Variants in ING5 observed in about 807,000 individuals in gnomAD.
ING5 encodes inhibitor of growth family member 5.
A neutral mutation model predicts 37.4 loss-of-function variants in ING5; 17 were observed. The ratio of observed to expected loss-of-function variants is 0.45; its 90% CI spans 0.31 to 0.68. The LOEUF (loss-of-function observed/expected upper bound fraction) is 0.68. ING5 is among the 30% of genes least tolerant of loss of function. The pLI, the probability that ING5 is intolerant of heterozygous loss-of-function variation, is 0.05. For synonymous variants in ING5, 123 were observed against 116.6 expected (o/e 1.06, Z -0.36); for missense variants, 233 against 311.9 (o/e 0.75, Z 1.91).
Position 241,728,667 on chromosome 2 carries a change from G to T in ING5, c.*3636G>T, listed in dbSNP as rs1305557768. 6.6e-6 allele frequency: 1 copy of T among 152,340 alleles called. No homozygotes were observed. Among genetic ancestry groups the T allele is most frequent in the African/African-American group, 2.4e-5 (1 of 41,444 alleles). 9.4% of individuals were successfully genotyped at this position (152,340 alleles called of 1,614,324 possible). A position where few individuals can be genotyped will look rare whatever the true frequency, so the allele number is the denominator to read the frequency against. Reference sequence around the variant, plus strand: ...GGCCTGCGTGGCCTCCTGAGCAGCAGCTGACCGCCCGTCTCATGCTGGACG... The same window carrying T: ...GGCCTGCGTGGCCTCCTGAGCAGCATCTGACCGCCCGTCTCATGCTGGACG... On this transcript the variant is annotated 3_prime_UTR_variant, in exon 8 of 8. Transcript: ENST00000313552.
chr2:241,691,653 C>T (rs2069558611), intron 2 of ING5, among the ~76,000 whole-genome samples: 1 of 152,190 alleles, frequency 6.6e-6, no homozygotes, highest in African/African-American at 2.4e-5. Context: ...CGACAGATTG[C>T]TGCCTGGTAC....
intron 5 of ING5, chr2:241,719,447 T>G (rs2070370563): frequency 9.5e-7 from 1 of 1,050,472 alleles, no homozygotes; most frequent in Admixed American, 2.0e-5. Context: ...GAATGTGGTT[T>G]TTGTGACTTG....
chr2:241,701,414 CT>C (rs1286016105), upstream of ING5, among the ~76,000 whole-genome samples: 2 of 152,240 alleles, frequency 1.3e-5, no homozygotes, highest in African/African-American at 4.8e-5. Flanking sequence ...AGCCAGTGCC[CT>C]CACTGGTGCT....
chr2:241,722,603 C>T, intron 5 of ING5: 1 of 985,096 alleles, frequency 1.0e-6, no homozygotes, highest in Non-Finnish European at 1.2e-6. Context: ...TCTTGCTGCG[C>T]CTTCTTAGAA....
chr2:241,704,063 G>A (rs1430439485), intron 1 of ING5, among the ~76,000 whole-genome samples: 2 of 152,178 alleles, frequency 1.3e-5, no homozygotes, highest in African/African-American at 4.8e-5. Context: ...AGGGGGGGCA[G>A]CCTAGAGGGT....
At position 241,696,044 on chromosome 2, in the gene ING5, C is replaced by T. The variant is rs138929600; in HGVS notation, c.43+5391C>T. ...GCCCAGGAGGTCAAGCTGCAGTGAACTGTGATCACACCACTGTCCTCCAGC... is the reference window on the plus strand; with the variant it reads ...GCCCAGGAGGTCAAGCTGCAGTGAATTGTGATCACACCACTGTCCTCCAGC... On this transcript the variant is annotated intron_variant, in intron 2 of 7. Transcript: ENST00000636051. 8.6e-3 allele frequency among the ~76,000 whole-genome samples: 1,308 copies of T among 152,166 alleles called. 21 individuals carry two copies. Among genetic ancestry groups the T allele is most frequent in the African/African-American group, 0.03 (1,262 of 41,524 alleles).
chr2:241,692,834 A>T (rs533737477), intron 2 of ING5, among the ~76,000 whole-genome samples: 15 of 151,782 alleles, frequency 9.9e-5, no homozygotes, highest in African/African-American at 3.4e-4. Flanking sequence ...GTCTCCTTTC[A>T]CCTCCTCACC....
chr2:241,692,242 T>G (rs1263383717), intron 2 of ING5, among the ~76,000 whole-genome samples: 1 of 152,148 alleles, frequency 6.6e-6, no homozygotes, highest in Admixed American at 6.6e-5. Context: ...TACCCTTAAC[T>G]GCTCCAGAGA....
At chr2:241,698,431 T>G (rs182438399), upstream of ING5, among the ~76,000 whole-genome samples, 1,098 of 150,826 alleles carry the variant, frequency 7.3e-3, 14 homozygotes, top group African/African-American at 0.026. Context: ...AAAAAAAAAG[T>G]ATCAATATTG....
intron 2 of ING5, among the ~76,000 whole-genome samples, chr2:241,696,656 G>C (rs2069634161): frequency 6.6e-6 from 1 of 152,146 alleles, no homozygotes; most frequent in Non-Finnish European, 1.5e-5. Flanking sequence ...GTGTCATGGT[G>C]TGTGCTTGTA....
intron 2 of ING5, chr2:241,694,372 G>A (rs1398963180): frequency 6.6e-6 from 1 of 151,906 alleles, no homozygotes; most frequent in Non-Finnish European, 1.5e-5. Flanking sequence ...GAACCTGGGA[G>A]GCAGAGCTTG....
intron 2 of ING5, among the ~76,000 whole-genome samples, chr2:241,693,921 A>G (rs1355862421): frequency 6.6e-6 from 1 of 150,852 alleles, no homozygotes; most frequent in Non-Finnish European, 1.5e-5. Context: ...GGCCTCCTAA[A>G]TTGCTGGGAT....
upstream of ING5, among the ~76,000 whole-genome samples, chr2:241,698,937 A>C (rs112564875): frequency 0.07 from 10,613 of 152,118 alleles, 513 homozygotes; most frequent in African/African-American, 0.13. Flanking sequence ...TGTATTGGTC[A>C]GGCTGGTCTC....
At position 241,702,043 on chromosome 2, in the gene ING5, C is replaced by A. The variant is rs1479328159; in HGVS notation, c.-23C>A. On this transcript the variant is annotated 5_prime_UTR_variant, in exon 1 of 8. Transcript: ENST00000313552. ...CGCGGCACCGCCCGCCCGCGCAGAC[C>A]CCGAGCGCGGCCGCGGACGAAGATG... 4.3e-6 allele frequency: 6 copies of A among 1,381,116 alleles called. No individual in the cohort carries two copies. The Admixed American group carries it at 1.5e-4, about 35-fold the overall frequency. 85.6% of individuals were successfully genotyped at this position (1,381,116 alleles called of 1,614,324 possible). A position where few individuals can be genotyped will look rare whatever the true frequency, so the allele number is the denominator to read the frequency against.
intron 1 of ING5, among the ~76,000 whole-genome samples, chr2:241,703,299 G>A (rs916662261): frequency 6.6e-6 from 1 of 152,204 alleles, no homozygotes; most frequent in African/African-American, 2.4e-5. Flanking sequence ...ATAGAGTTAG[G>A]TTTAAAATGA....
chr2:241,691,759 C>G lies in ING5; in HGVS notation c.43+1106C>G, dbSNP rs2069560563. On this transcript the variant is annotated intron_variant, in intron 2 of 7. Transcript: ENST00000636051. ...CAGCCCTATCGGATTAGGGTTGCAC[C>G]CTTATTGAAACCATCCCTGGCCAGG... Among the ~76,000 whole-genome samples, 3 of 152,008 alleles carry G rather than the reference C, an allele frequency of 2.0e-5. No individual in the cohort carries two copies. The South Asian group carries it at 6.2e-4, about 32-fold the overall frequency.
At chr2:241,695,381 G>A (rs1472413375) in intron 2 of ING5, among the ~76,000 whole-genome samples, 1 of 150,370 alleles carries the variant, frequency 6.7e-6, no homozygotes, top group African/African-American at 2.5e-5. Context: ...TTCCTGGCAC[G>A]CTGTCACATA....
At chr2:241,716,281 C>CTTT (rs11332132) in intron 5 of ING5, among the ~76,000 whole-genome samples, 47 of 73,646 alleles carry the variant, frequency 6.4e-4, no homozygotes, top group Non-Finnish European at 9.0e-4. Flanking sequence ...ATTAGCCATG[C>CTTT]TTTTTTTTTT....
intron 2 of ING5, among the ~76,000 whole-genome samples, chr2:241,707,643 A>G (rs1483484450): frequency 6.6e-6 from 1 of 152,212 alleles, no homozygotes; most frequent in Non-Finnish European, 1.5e-5. Context: ...CCTTAGGTAC[A>G]GCATCTTGAC....
Sources: gnomAD v4.1 joint callset for allele counts (sites outside exome capture counted in the v4.1 genomes callset) on GRCh38, gnomAD v4.1.1 for gene constraint, MANE v1.5 for transcripts, NCBI Gene and HGNC (gene_info 2026-07-23, HGNC 2026-07-21) for gene names.